KSR2: variants seen among roughly 807,000 people sequenced by gnomAD.
KSR2 encodes the protein kinase suppressor of ras 2.
In KSR2, 25 loss-of-function variants were observed where a neutral mutation model predicts 107.8. That is an observed-to-expected ratio of 0.23 (90% CI 0.17 to 0.32). The LOEUF (loss-of-function observed/expected upper bound fraction) is 0.32. Among genes scored for constraint, KSR2 ranks in the 10% least tolerant of loss-of-function variants. The pLI is 1.00. For missense variants in KSR2, 887 were observed against 1,268.9 expected, an observed-to-expected ratio of 0.70 and a Z score of 4.57; for synonymous variants, 480 against 507.0, an observed-to-expected ratio of 0.95 and a Z score of 0.71.
At chr12:117,698,870 T>G (rs1287809031) in intron 4 of KSR2, among the ~76,000 whole-genome samples, 1 of 152,212 alleles carries the variant, frequency 6.6e-6, no homozygotes, top group East Asian at 1.9e-4. Flanking sequence ...ATCAGAGTCT[T>G]ACTGGCTGCC....
At chr12:117,611,085 A>T (rs1405630106) in intron 5 of KSR2, among the ~76,000 whole-genome samples, 5 of 152,210 alleles carry the variant, frequency 3.3e-5, no homozygotes, top group Non-Finnish European at 7.3e-5. Flanking sequence ...AAGTTATAAT[A>T]ATCTCCTGCT....
chr12:117,915,330 ATC>A (rs949433845), intron 1 of KSR2, among the ~76,000 whole-genome samples: 6 of 152,198 alleles, frequency 3.9e-5, no homozygotes, highest in Admixed American at 3.9e-4. Flanking sequence ...AAAGGCACTA[ATC>A]TCTCTAAATG....
intron 1 of KSR2, among the ~76,000 whole-genome samples, chr12:117,869,559 C>T (rs1246053792): frequency 6.6e-6 from 1 of 152,190 alleles, no homozygotes; most frequent in Admixed American, 6.5e-5. Flanking sequence ...TGAAACTCTG[C>T]AATGTGGCTT....
intron 3 of KSR2, among the ~76,000 whole-genome samples, chr12:117,815,325 C>T (rs1327028930): frequency 1.3e-5 from 2 of 152,080 alleles, no homozygotes; most frequent in African/African-American, 4.8e-5. Context: ...CAATTAAATA[C>T]TAGGAAGCCA....
chr12:117,476,635 C>T (rs1245554220), intron 16 of KSR2, 40 bp from the exon 17 acceptor site: 48 of 1,574,006 alleles, frequency 3.0e-5, no homozygotes, highest in Non-Finnish European at 4.0e-5. Flanking sequence ...GTTTCATAGC[C>T]CAGGGTGGAC....
chr12:117,950,746 A>AT (rs1555260894), intron 1 of KSR2, among the ~76,000 whole-genome samples: 15 of 55,514 alleles, frequency 2.7e-4, no homozygotes, highest in South Asian at 2.6e-3. Flanking sequence ...GTAAAAAAAA[A>AT]AAAAATAATA....
chr12:117,544,148 T>C (rs73405328), intron 9 of KSR2, among the ~76,000 whole-genome samples: 2,174 of 152,348 alleles, frequency 0.014, 48 homozygotes, highest in African/African-American at 0.049. Context: ...CACAGTGGTA[T>C]CTGTCTCCAT....
At chr12:117,615,096 A>C (rs1032651639) in intron 5 of KSR2, among the ~76,000 whole-genome samples, 2 of 151,932 alleles carry the variant, frequency 1.3e-5, no homozygotes, top group Non-Finnish European at 2.9e-5. Flanking sequence ...TCTCCTGTCT[A>C]GTCTACCCAC....
chr12:117,822,751 C>A (rs1271090308), intron 3 of KSR2, among the ~76,000 whole-genome samples: 1 of 152,102 alleles, frequency 6.6e-6, no homozygotes, highest in South Asian at 2.1e-4. Flanking sequence ...GAGAGTAGTA[C>A]CATGCTGCAT....
chr12:117,733,035 G>C (rs1364013764), intron 4 of KSR2, among the ~76,000 whole-genome samples: 2 of 152,164 alleles, frequency 1.3e-5, no homozygotes, highest in Non-Finnish European at 1.5e-5. Flanking sequence ...GAGGCACACT[G>C]CATACCTGCA....
At chr12:117,779,660 T>C (rs959059117) in intron 3 of KSR2, among the ~76,000 whole-genome samples, 1 of 151,952 alleles carries the variant, frequency 6.6e-6, no homozygotes, top group Non-Finnish European at 1.5e-5. Flanking sequence ...TGAGTTCTCA[T>C]GAGATCTGAT....
chr12:117,707,296 G>C (rs1401647103), intron 4 of KSR2, among the ~76,000 whole-genome samples: 1 of 152,076 alleles, frequency 6.6e-6, no homozygotes. Flanking sequence ...TTCTTTTCGG[G>C]GTGATAAAAT....
intron 1 of KSR2, among the ~76,000 whole-genome samples, chr12:117,899,360 G>A (rs1894612509): frequency 6.6e-6 from 1 of 152,038 alleles, no homozygotes; most frequent in African/African-American, 2.4e-5. Context: ...AGGCGTGGTG[G>A]CACATACCTG....
intron 3 of KSR2, among the ~76,000 whole-genome samples, chr12:117,836,098 A>T (rs1327916289): frequency 2.2e-5 from 2 of 92,982 alleles, no homozygotes; most frequent in Non-Finnish European, 5.1e-5. Flanking sequence ...CAACCTCCCA[A>T]ATATGTTAAA....
intron 10 of KSR2, among the ~76,000 whole-genome samples, chr12:117,537,168 G>A (rs1299807785): frequency 2.6e-5 from 4 of 152,042 alleles, no homozygotes; most frequent in Admixed American, 1.3e-4. Flanking sequence ...AACCAAGATC[G>A]CACCACTGCA....
intron 1 of KSR2, among the ~76,000 whole-genome samples, chr12:117,923,006 T>C (rs1242534600): frequency 6.6e-6 from 1 of 152,210 alleles, no homozygotes; most frequent in African/African-American, 2.4e-5. Flanking sequence ...GGTGACGCTC[T>C]ACCTTACTTC....
intron 4 of KSR2, among the ~76,000 whole-genome samples, chr12:117,670,553 AG>A (rs1358203382): frequency 6.6e-6 from 1 of 152,162 alleles, no homozygotes; most frequent in Non-Finnish European, 1.5e-5. Flanking sequence ...TATCCTGAGA[AG>A]TTCGATTTGG....
intron 1 of KSR2, among the ~76,000 whole-genome samples, chr12:117,903,423 C>T (rs187181542): frequency 3.7e-4 from 56 of 152,276 alleles, no homozygotes; most frequent in African/African-American, 9.9e-4. Context: ...TTTGAATAAA[C>T]AAATACTTTT....
chr12:117,870,515 G>A (rs1455421233), intron 1 of KSR2, among the ~76,000 whole-genome samples: 5 of 152,012 alleles, frequency 3.3e-5, no homozygotes, highest in South Asian at 4.2e-4. Flanking sequence ...CAGGAGAATC[G>A]CTTGGATTTG....
Sources: allele counts gnomAD v4.1 joint callset (sites outside exome capture counted in the v4.1 genomes callset), GRCh38; gene constraint gnomAD v4.1.1; transcripts MANE v1.5; gene names NCBI Gene and HGNC (gene_info 2026-07-23, HGNC 2026-07-21).